The following KIAA1328 variants were observed in gnomAD, a reference collection of about 807,000 sequenced individuals.
KIAA1328 encodes the protein protein hinderin.
KIAA1328 carries 52 observed loss-of-function variants against 68.1 expected under a neutral mutation model. That is an observed-to-expected ratio of 0.76 (90% CI 0.61 to 0.96). The LOEUF is 0.96. Ranked by LOEUF, KIAA1328 falls within the 40% of genes least tolerant of loss-of-function variation. The pLI, the probability that KIAA1328 is intolerant of heterozygous loss-of-function variation, is 0.00. For missense variants in KIAA1328, 641 were observed against 677.6 expected, an observed-to-expected ratio of 0.95 and a Z score of 0.60; for synonymous variants, 232 against 239.4, an observed-to-expected ratio of 0.97 and a Z score of 0.28.
chr18:36,971,144 C>G (rs11081977), intron 6 of KIAA1328, among the ~76,000 whole-genome samples: 111,313 of 151,988 alleles, frequency 0.73, 43,902 homozygotes, highest in South Asian at 0.89. Flanking sequence ...AGAAATAACA[C>G]CACACATCTA....
At chr18:37,153,523 C>T (rs2059084263) in intron 7 of KIAA1328, among the ~76,000 whole-genome samples, 1 of 151,728 alleles carries the variant, frequency 6.6e-6, no homozygotes, top group Non-Finnish European at 1.5e-5. Context: ...CATGTTTTTC[C>T]CTCTATATAT....
intron 6 of KIAA1328, among the ~76,000 whole-genome samples, chr18:37,029,204 T>TA (rs1215975199): frequency 1.7e-5 from 1 of 59,628 alleles, no homozygotes; most frequent in Non-Finnish European, 3.2e-5. Context: ...AAACTCAATA[T>TA]TTTTTTTTCA....
intron 5 of KIAA1328, chr18:36,946,302 G>A (rs2050897038): frequency 6.6e-6 from 1 of 152,140 alleles, no homozygotes; most frequent in Admixed American, 6.6e-5. Flanking sequence ...ATGACTTAAA[G>A]GGAGGAAGCA....
At chr18:36,941,192 T>C (rs1189173092) in intron 5 of KIAA1328, among the ~76,000 whole-genome samples, 1 of 152,162 alleles carries the variant, frequency 6.6e-6, no homozygotes, top group African/African-American at 2.4e-5. Flanking sequence ...ATATATACTT[T>C]AACATATTTA....
chr18:36,894,230 G>A (rs1598631422), intron 5 of KIAA1328, among the ~76,000 whole-genome samples: 1 of 152,220 alleles, frequency 6.6e-6, no homozygotes, highest in East Asian at 1.9e-4. Context: ...ATAAAAATGT[G>A]TAATATATTT....
At chr18:36,946,309 A>G (rs888243208) in intron 5 of KIAA1328, 8 of 152,252 alleles carry the variant, frequency 5.3e-5, no homozygotes, top group African/African-American at 1.9e-4. Flanking sequence ...AAAGGGAGGA[A>G]GCAAAGGAGT....
chr18:36,964,540 C>T (rs949223492), intron 6 of KIAA1328, among the ~76,000 whole-genome samples: 1 of 152,138 alleles, frequency 6.6e-6, no homozygotes, highest in Non-Finnish European at 1.5e-5. Flanking sequence ...TTGTTTTTGA[C>T]ATCTGTCATT....
At chr18:36,854,671 G>C (rs7234586) in intron 4 of KIAA1328, among the ~76,000 whole-genome samples, 20,730 of 151,880 alleles carry the variant, frequency 0.14, 1,756 homozygotes, top group Admixed American at 0.18. Context: ...TGAGAGTTAA[G>C]TTCACATAAT....
chr18:36,852,953 A>G (rs983921743), intron 4 of KIAA1328, among the ~76,000 whole-genome samples: 1 of 152,164 alleles, frequency 6.6e-6, no homozygotes, highest in Non-Finnish European at 1.5e-5. Context: ...ATCTTCAGCT[A>G]TGTTAATATT....
intron 7 of KIAA1328, among the ~76,000 whole-genome samples, chr18:37,099,899 C>T (rs959828717): frequency 1.3e-5 from 2 of 152,050 alleles, no homozygotes; most frequent in African/African-American, 4.8e-5. Context: ...GATTGCAACC[C>T]CTGCCTTTTT....
chr18:36,926,029 ACCTT>A (rs2050104176), intron 5 of KIAA1328, among the ~76,000 whole-genome samples: 1 of 151,384 alleles, frequency 6.6e-6, no homozygotes, highest in Admixed American at 6.6e-5. Context: ...GTTCTCTGAA[ACCTT>A]CAGATTTTGT....
At chr18:37,035,169 G>C (rs1440431427) in intron 6 of KIAA1328, among the ~76,000 whole-genome samples, 1 of 152,196 alleles carries the variant, frequency 6.6e-6, no homozygotes, top group African/African-American at 2.4e-5. Flanking sequence ...TCAGGTGAGG[G>C]ACTGAAAACA....
intron 7 of KIAA1328, among the ~76,000 whole-genome samples, chr18:37,132,533 C>A (rs2058547266): frequency 1.3e-5 from 2 of 152,190 alleles, no homozygotes; most frequent in South Asian, 4.1e-4. Context: ...GGAATTGGAA[C>A]TCCTGGTAAA....
intron 6 of KIAA1328, among the ~76,000 whole-genome samples, chr18:37,037,340 G>A (rs1411963673): frequency 6.6e-6 from 1 of 152,162 alleles, no homozygotes; most frequent in Non-Finnish European, 1.5e-5. Context: ...GCAAGTACCA[G>A]AGGCCATAAG....
rs9950592 is a variant in KIAA1328 at position 37,073,416 on chromosome 18, A to C, written c.1232+5871A>C. On this transcript the variant is annotated intron_variant, in intron 7 of 9. Coordinates refer to ENST00000280020, the MANE Select transcript of KIAA1328 (RefSeq NM_020776.3). ...CCAACAAACATATGAAAAAAAGCTC[A>C]ACATCATATTAGAGAAATGCAAATC... 2.8e-3 allele frequency among the ~76,000 whole-genome samples: 427 copies of C among 152,340 alleles called. 3 individuals carry two copies. Among genetic ancestry groups the C allele is most frequent in the African/African-American group, 9.8e-3 (408 of 41,590 alleles).
At chr18:37,184,979 C>T (rs1034022078) in intron 9 of KIAA1328, among the ~76,000 whole-genome samples, 6 of 151,588 alleles carry the variant, frequency 4.0e-5, no homozygotes, top group East Asian at 1.9e-4. Context: ...CTGGCTAACA[C>T]GGTGAAACCT....
intron 6 of KIAA1328, among the ~76,000 whole-genome samples, chr18:37,051,625 G>A (rs1568339307): frequency 6.6e-6 from 1 of 152,176 alleles, no homozygotes; most frequent in Admixed American, 6.5e-5. Context: ...GATGTTCAAA[G>A]CAGAGCTGGT....
At chr18:36,932,360 GA>G (rs2050341762) in intron 5 of KIAA1328, among the ~76,000 whole-genome samples, 1 of 152,124 alleles carries the variant, frequency 6.6e-6, no homozygotes, top group Non-Finnish European at 1.5e-5. Flanking sequence ...GCTGGGACCA[GA>G]AGCCCATGCC....
intron 7 of KIAA1328, among the ~76,000 whole-genome samples, chr18:37,143,718 C>A (rs1264451576): frequency 1.3e-5 from 2 of 151,666 alleles, no homozygotes; most frequent in Non-Finnish European, 2.9e-5. Flanking sequence ...CCTTTTATTC[C>A]TAGTTTACTG....
Sources: allele counts gnomAD v4.1 joint callset (sites outside exome capture counted in the v4.1 genomes callset), GRCh38; gene constraint gnomAD v4.1.1; transcripts MANE v1.5; gene names NCBI Gene and HGNC (gene_info 2026-07-23, HGNC 2026-07-21).